Variants in EFCAB13 observed in about 807,000 individuals in gnomAD.
The protein encoded by EFCAB13 is EF-hand calcium binding domain 13, also known as EF-hand calcium-binding domain-containing protein 13.
Under a neutral mutation model 110.2 loss-of-function variants are expected in EFCAB13, and 91 were observed. That is an observed-to-expected ratio of 0.83 (90% CI 0.70 to 0.98). The LOEUF (loss-of-function observed/expected upper bound fraction) is 0.98. Ranked by LOEUF, EFCAB13 falls within the 50% of genes least tolerant of loss-of-function variation. The pLI, the probability that EFCAB13 is intolerant of heterozygous loss-of-function variation, is 0.00. For synonymous variants in EFCAB13, 323 were observed against 369.9 expected (o/e 0.87, Z 1.45); for missense variants, 968 against 1,119.4 (o/e 0.86, Z 1.93).
At chr17:47,372,027 T>G (rs940286166) in intron 11 of EFCAB13, among the ~76,000 whole-genome samples, 1 of 152,230 alleles carries the variant, frequency 6.6e-6, no homozygotes, top group Non-Finnish European at 1.5e-5. Flanking sequence ...ATTTAATTGA[T>G]TCACAGTTCC....
intron 17 of EFCAB13, among the ~76,000 whole-genome samples, chr17:47,396,338 G>C (rs1268923617): frequency 1.3e-5 from 2 of 151,862 alleles, no homozygotes; most frequent in African/African-American, 2.4e-5. Flanking sequence ...TATTCATACT[G>C]TTTTGTTGAA....
intron 4 of EFCAB13, among the ~76,000 whole-genome samples, chr17:47,329,560 C>T (rs1280559759): frequency 6.6e-6 from 1 of 151,942 alleles, no homozygotes; most frequent in Non-Finnish European, 1.5e-5. Context: ...TGATTTTGCC[C>T]TTATAAACTG....
Position 47,361,477 on chromosome 17 carries a change from A to G in EFCAB13, c.761A>G (p.Asn254Ser). Residue 254 changes from asparagine to serine, a missense_variant, in exon 10 of 25, where the codon AAC becomes AGC. Coordinates refer to ENST00000331493, the MANE Select transcript of EFCAB13 (RefSeq NM_152347.5). Reference protein sequence around the residue: ...AVLDSMGIPINREILEEVTKH... With the variant: ...AVLDSMGIPISREILEEVTKH... ...TTGGATAGCATGGGTATCCCTATAA[A>G]CCGTGAAATTTTAGAAGAAGTGACA... 6.2e-7 allele frequency: 1 copy of G among 1,613,220 alleles called. No individual in the cohort carries two copies. The highest frequency in any genetic ancestry group is 8.5e-7 in the Non-Finnish European group (1 of 1,179,340).
At chr17:47,398,661 C>G (rs539986517) in intron 17 of EFCAB13, among the ~76,000 whole-genome samples, 6 of 151,180 alleles carry the variant, frequency 4.0e-5, no homozygotes, top group African/African-American at 1.5e-4. Flanking sequence ...CAGCATGCTC[C>G]TTAAGAGTCA....
At chr17:47,335,672 G>T (rs775081546) in intron 5 of EFCAB13, among the ~76,000 whole-genome samples, 1 of 152,148 alleles carries the variant, frequency 6.6e-6, no homozygotes, top group Non-Finnish European at 1.5e-5. Flanking sequence ...GACTTTACAG[G>T]AAGCGAGGCT....
At chr17:47,379,458 T>G (rs2065634333) in intron 14 of EFCAB13, among the ~76,000 whole-genome samples, 1 of 152,158 alleles carries the variant, frequency 6.6e-6, no homozygotes. Flanking sequence ...TCACGTGAAT[T>G]TTGCAAACTG....
At chr17:47,335,042 A>G (rs1359719145) in intron 4 of EFCAB13, among the ~76,000 whole-genome samples, 154 bp from the exon 5 acceptor site, 1 of 152,252 alleles carries the variant, frequency 6.6e-6, no homozygotes, top group East Asian at 1.9e-4. Flanking sequence ...GAAAAATAAT[A>G]CATTAGTGAG....
At chr17:47,393,949 C>T (rs776469764) in intron 15 of EFCAB13, 76 bp from the exon 16 acceptor site, 49 of 712,606 alleles carry the variant, frequency 6.9e-5, no homozygotes, top group East Asian at 1.3e-4. Context: ...GAATATATAA[C>T]GTATTTTATA....
intron 10 of EFCAB13, 100 bp downstream of exon 10, chr17:47,361,621 C>CT: frequency 1.0e-6 from 1 of 980,188 alleles, no homozygotes; most frequent in Non-Finnish European, 1.4e-6. Context: ...TTTGCTTCTC[C>CT]TTTTTTCTCT....
chr17:47,367,386 G>T (rs1457036929), intron 10 of EFCAB13, among the ~76,000 whole-genome samples: 2 of 152,164 alleles, frequency 1.3e-5, no homozygotes, highest in Non-Finnish European at 2.9e-5. Context: ...TCTCGTGGCG[G>T]CAAGAGGGGC....
intron 16 of EFCAB13, among the ~76,000 whole-genome samples, chr17:47,394,774 G>C (rs866420753): frequency 6.6e-6 from 1 of 152,028 alleles, no homozygotes; most frequent in African/African-American, 2.4e-5. Context: ...CTCCTATATA[G>C]GGGTATATCA....
intron 14 of EFCAB13, among the ~76,000 whole-genome samples, chr17:47,382,301 A>G (rs185440847): frequency 3.2e-4 from 48 of 152,190 alleles, no homozygotes; most frequent in African/African-American, 1.0e-3. Context: ...GTCATCTGCA[A>G]ACAGAGGCAA....
intron 4 of EFCAB13, among the ~76,000 whole-genome samples, chr17:47,332,566 C>G (rs918379143): frequency 6.6e-6 from 1 of 151,702 alleles, no homozygotes; most frequent in Non-Finnish European, 1.5e-5. Flanking sequence ...TCTTCCTCCC[C>G]CAAACCTCTC....
At chr17:47,432,053 C>G (rs369639331) in intron 24 of EFCAB13, among the ~76,000 whole-genome samples, 1 of 151,936 alleles carries the variant, frequency 6.6e-6, no homozygotes, top group Non-Finnish European at 1.5e-5. Flanking sequence ...CTCAAGAGTT[C>G]GAGACTAGCC....
At chr17:47,398,554 CCA>C (rs1292084508) in intron 17 of EFCAB13, among the ~76,000 whole-genome samples, 2 of 151,604 alleles carry the variant, frequency 1.3e-5, no homozygotes, top group African/African-American at 4.8e-5. Context: ...GACCTTACCC[CCA>C]ACCCTGTGCT....
At chr17:47,430,083 G>A in intron 24 of EFCAB13, 122 bp downstream of exon 24, 3 of 1,388,554 alleles carry the variant, frequency 2.2e-6, no homozygotes, top group Non-Finnish European at 1.9e-6. Flanking sequence ...GATGACTGCT[G>A]GACACTGGTA....
intron 4 of EFCAB13, among the ~76,000 whole-genome samples, chr17:47,333,112 TAGCTAACAGAATA>T (rs2065329520): frequency 6.6e-6 from 1 of 152,204 alleles, no homozygotes; most frequent in Non-Finnish European, 1.5e-5. Context: ...TCTAACAGAA[TAGCTAACAGAATA>T]TCTAACAGAA....
chr17:47,397,555 C>T (rs551103767), intron 17 of EFCAB13, among the ~76,000 whole-genome samples: 16 of 150,610 alleles, frequency 1.1e-4, no homozygotes, highest in Non-Finnish European at 2.1e-4. Flanking sequence ...GCCATCCCAT[C>T]TAGGAAGTGA....
At chr17:47,345,707 G>A (rs555713710) in intron 8 of EFCAB13, among the ~76,000 whole-genome samples, 5 of 152,270 alleles carry the variant, frequency 3.3e-5, no homozygotes, top group East Asian at 1.9e-4. Flanking sequence ...AGACGTCAAC[G>A]TCTTATTCTT....
Sources: gnomAD v4.1 joint callset for allele counts (sites outside exome capture counted in the v4.1 genomes callset) on GRCh38, gnomAD v4.1.1 for gene constraint, MANE v1.5 for transcripts, NCBI Gene and HGNC (gene_info 2026-07-23, HGNC 2026-07-21) for gene names.